PTK2: variants seen among roughly 807,000 people sequenced by gnomAD.
PTK2 encodes focal adhesion kinase 1.
A neutral mutation model predicts 150.1 loss-of-function variants in PTK2; 45 were observed. The observed-to-expected ratio is 0.30, with a 90% CI of 0.24 to 0.38. The LOEUF (loss-of-function observed/expected upper bound fraction) is 0.38, where lower values mean the gene tolerates loss of function less well. PTK2 is among the 10% of genes least tolerant of loss of function. The probability of loss-of-function intolerance (pLI) is 1.00; values close to 1 mark genes in which losing one functional copy is unlikely to be tolerated. For synonymous variants in PTK2, 432 were observed against 449.2 expected, an observed-to-expected ratio of 0.96 and a Z score of 0.48; for missense variants, 919 against 1,307.3, an observed-to-expected ratio of 0.70 and a Z score of 4.58.
At chr8:140,781,326 A>G (rs1347768432) in intron 14 of PTK2, among the ~76,000 whole-genome samples, 1 of 152,198 alleles carries the variant, frequency 6.6e-6, no homozygotes, top group East Asian at 1.9e-4. Flanking sequence ...AAGTTTATTA[A>G]TTATTGTTAA....
At chr8:140,769,450 T>C (rs1173779390) in intron 14 of PTK2, 125 bp downstream of exon 16, 1 of 430,022 alleles carries the variant, frequency 2.3e-6, no homozygotes, top group South Asian at 3.6e-5. Flanking sequence ...ATATTTTGCA[T>C]ACCATTTTGT....
At chr8:140,992,227 G>A (rs967288672) in intron 1 of PTK2, among the ~76,000 whole-genome samples, 25 of 151,526 alleles carry the variant, frequency 1.6e-4, no homozygotes, top group Non-Finnish European at 3.1e-4. Flanking sequence ...GAGAGGCAGA[G>A]GTTGCAGTGA....
chr8:140,956,017 G>C (rs1348610022), intron 1 of PTK2, among the ~76,000 whole-genome samples: 1 of 152,182 alleles, frequency 6.6e-6, no homozygotes, highest in Admixed American at 6.5e-5. Context: ...AACAGAGGTC[G>C]ATCTAGTCAC....
chr8:140,882,537 CAA>C (rs2100149799), intron 3 of PTK2, among the ~76,000 whole-genome samples: 1 of 152,114 alleles, frequency 6.6e-6, no homozygotes, highest in Admixed American at 6.5e-5. Flanking sequence ...TCTCATAACC[CAA>C]GTGTCAGAAA....
intron 8 of PTK2, among the ~76,000 whole-genome samples, chr8:140,829,488 A>C (rs2100114005): frequency 6.6e-6 from 1 of 152,176 alleles, no homozygotes; most frequent in Non-Finnish European, 1.5e-5. Context: ...CTAAGATTTA[A>C]TCCTCTTATT....
intron 22 of PTK2, chr8:140,735,014 G>C: frequency 7.2e-6 from 4 of 554,348 alleles, no homozygotes; most frequent in Non-Finnish European, 1.3e-5. Context: ...TCAGAAGCTA[G>C]GGGAGAGAGA....
intron 1 of PTK2, among the ~76,000 whole-genome samples, chr8:140,966,345 TTA>T (rs1290975814): frequency 2.6e-5 from 4 of 152,204 alleles, no homozygotes; most frequent in African/African-American, 9.7e-5. Flanking sequence ...GCTTTTTGCT[TTA>T]TGTTTTATTC....
intron 27 of PTK2, among the ~76,000 whole-genome samples, chr8:140,679,497 T>G (rs367945128): frequency 5.9e-4 from 90 of 152,274 alleles, no homozygotes; most frequent in Middle Eastern, 6.8e-3. Flanking sequence ...AAGGAGAGAC[T>G]CTGCTTCAGA....
intron 19 of PTK2, 31 bp downstream of exon 22, chr8:140,744,621 G>C: frequency 7.2e-7 from 1 of 1,381,720 alleles, no homozygotes; most frequent in Non-Finnish European, 1.0e-6. Context: ...TTTTCAGAAG[G>C]GAACTTAACA....
At chr8:140,721,119 G>T (rs2100042731) in intron 22 of PTK2, among the ~76,000 whole-genome samples, 1 of 151,880 alleles carries the variant, frequency 6.6e-6, no homozygotes, top group Non-Finnish European at 1.5e-5. Flanking sequence ...AAGTTGCTCA[G>T]GCTGGTCCTG....
chr8:140,769,078 C>T (rs1322037228), intron 14 of PTK2, among the ~76,000 whole-genome samples: 1 of 152,098 alleles, frequency 6.6e-6, no homozygotes, highest in East Asian at 1.9e-4. Flanking sequence ...TAAATTTCTA[C>T]CTTAAGTGCT....
At chr8:140,929,706 T>C (rs1338976725) in intron 1 of PTK2, among the ~76,000 whole-genome samples, 1 of 152,032 alleles carries the variant, frequency 6.6e-6, no homozygotes, top group Middle Eastern at 3.4e-3. Flanking sequence ...TTATTTCAAG[T>C]ATCCTAAAAC....
chr8:140,933,646 A>G (rs1435578170), intron 1 of PTK2, among the ~76,000 whole-genome samples: 1 of 152,272 alleles, frequency 6.6e-6, no homozygotes, highest in Non-Finnish European at 1.5e-5. Flanking sequence ...AGAAGCCACA[A>G]GAGACCACAT....
intron 2 of PTK2, among the ~76,000 whole-genome samples, chr8:140,916,455 C>T (rs1489680191): frequency 6.6e-6 from 1 of 152,182 alleles, no homozygotes; most frequent in Non-Finnish European, 1.5e-5. Context: ...TTTCTTTTCC[C>T]AAGTATCCAC....
chr8:140,891,834 C>A (rs1027289152), intron 2 of PTK2, among the ~76,000 whole-genome samples: 26 of 152,316 alleles, frequency 1.7e-4, no homozygotes, highest in African/African-American at 5.3e-4. Flanking sequence ...GTTAGGACAT[C>A]CCCAGGCTTG....
intron 1 of PTK2, among the ~76,000 whole-genome samples, chr8:140,991,359 T>C (rs1166855430): frequency 1.3e-5 from 2 of 152,186 alleles, no homozygotes; most frequent in African/African-American, 4.8e-5. Context: ...TCCTGATATT[T>C]GCCAAAAGCC....
At chr8:140,762,307 C>A in intron 15 of PTK2, 61 bp downstream of exon 18, 2 of 991,114 alleles carry the variant, frequency 2.0e-6, no homozygotes, top group South Asian at 2.4e-5. Context: ...TGAAACATCC[C>A]ATATCACTCC....
intron 18 of PTK2, among the ~76,000 whole-genome samples, chr8:140,745,559 G>C (rs771142269): frequency 6.6e-6 from 1 of 152,168 alleles, no homozygotes; most frequent in Non-Finnish European, 1.5e-5. Context: ...ATCACACAAT[G>C]CTCCCCCGGC....
intron 1 of PTK2, among the ~76,000 whole-genome samples, chr8:140,970,709 T>A (rs538694788): frequency 1.3e-5 from 2 of 152,192 alleles, no homozygotes; most frequent in Non-Finnish European, 2.9e-5. Context: ...CTGGTGCCTA[T>A]CCTCAACATT....
Sources: allele counts gnomAD v4.1 joint callset (sites outside exome capture counted in the v4.1 genomes callset), GRCh38; gene constraint gnomAD v4.1.1; transcripts MANE v1.5; gene names NCBI Gene and HGNC (gene_info 2026-07-23, HGNC 2026-07-21).